TNFAIP2: variants seen among roughly 807,000 people sequenced by gnomAD.
TNFAIP2 encodes TNF alpha induced protein 2.
In TNFAIP2, 47 loss-of-function variants were observed where a neutral mutation model predicts 63.5. The ratio of observed to expected loss-of-function variants is 0.74; its 90% CI spans 0.59 to 0.94. The LOEUF (loss-of-function observed/expected upper bound fraction) is 0.94, where lower values mean the gene tolerates loss of function less well. TNFAIP2 is among the 40% of genes least tolerant of loss of function. The pLI is 0.00. For synonymous variants in TNFAIP2, 405 were observed against 390.2 expected (o/e 1.04, Z -0.45); for missense variants, 787 against 850.2 (o/e 0.93, Z 0.92).
Position 103,131,888 on chromosome 14 carries a change from C to A in TNFAIP2, c.1422+126C>A. ...GGAAGACACGCTCCAGGCCTGTGGA[C>A]GGCACCGTGGGCCAGCTCTGGTGCA... On this transcript the variant is annotated intron_variant, in intron 8 of 11. Transcript: ENST00000560869. The surrounding 1 kb of genome is among the most constrained non-coding windows in gnomAD (Gnocchi z 4.0). 1 of 1,356,346 alleles carries A rather than the reference C, an allele frequency of 7.4e-7. No individual in the cohort carries two copies. The highest frequency in any genetic ancestry group is 9.8e-7 in the Non-Finnish European group (1 of 1,017,886). 84.0% of individuals were successfully genotyped at this position (1,356,346 alleles called of 1,614,324 possible).
At chr14:103,125,605 G>A (rs551800347) in intron 1 of TNFAIP2, among the ~76,000 whole-genome samples, 13 of 152,312 alleles carry the variant, frequency 8.5e-5, no homozygotes, top group Admixed American at 1.3e-4. Context: ...TTCTGGACCC[G>A]AGTTGCTGTG....
At chr14:103,130,855 T>C (rs2087957777) in intron 6 of TNFAIP2, among the ~76,000 whole-genome samples, 197 bp from the exon 7 acceptor site, 1 of 152,222 alleles carries the variant, frequency 6.6e-6, no homozygotes, top group Admixed American at 6.5e-5. Flanking sequence ...AGAGATGGGC[T>C]GGTACCCTCT....
intron 3 of TNFAIP2, among the ~76,000 whole-genome samples, chr14:103,128,276 A>G (rs1221868281): frequency 1.3e-5 from 2 of 152,296 alleles, no homozygotes; most frequent in African/African-American, 4.8e-5. Context: ...GGCTAGGGCC[A>G]CGTGTCTTGT....
At chr14:103,126,254 C>G (rs2087849450) in intron 1 of TNFAIP2, 56 bp from the exon 2 acceptor site, 1 of 530,878 alleles carries the variant, frequency 1.9e-6, no homozygotes, top group Non-Finnish European at 3.4e-6. Flanking sequence ...TGTGTCCAGC[C>G]TGGGAGCCAG....
chr14:103,124,726 G>A (rs1595273509), intron 1 of TNFAIP2, among the ~76,000 whole-genome samples: 1 of 152,244 alleles, frequency 6.6e-6, no homozygotes, highest in Admixed American at 6.5e-5. Flanking sequence ...TTGGGGCACC[G>A]GGTGGGGAGC....
chr14:103,122,192 C>T (rs1006434910), upstream of TNFAIP2, among the ~76,000 whole-genome samples: 1 of 152,214 alleles, frequency 6.6e-6, no homozygotes. Flanking sequence ...TCCGCTCCCC[C>T]ACAGGTTCCC....
In TNFAIP2 at chr14:103,131,861, G is replaced by C. The variant is rs1270462168; in HGVS notation, c.1422+99G>C. On this transcript the variant is annotated intron_variant, in intron 8 of 11. Transcript: ENST00000560869. This position sits in a 1 kb window ranked among gnomAD's most constrained non-coding sequence, Gnocchi z 4.0. ...GGAGGAGTGGCAGAAGCAAAGATGT[G>C]GGGAAGACACGCTCCAGGCCTGTGG... 5 of 1,483,694 alleles carry C rather than the reference G, an allele frequency of 3.4e-6. No homozygotes were observed. In the Admixed American group the frequency reaches 1.0e-4, roughly 30 times the overall value. 91.9% of individuals were successfully genotyped at this position (1,483,694 alleles called of 1,614,324 possible). A position where few individuals can be genotyped will look rare whatever the true frequency, so the allele number is the denominator to read the frequency against.
intron 1 of TNFAIP2, among the ~76,000 whole-genome samples, chr14:103,125,432 C>A (rs193005613): frequency 2.0e-5 from 3 of 152,208 alleles, no homozygotes; most frequent in Non-Finnish European, 2.9e-5. Context: ...GAGTTCCAAG[C>A]CCAAGCTATT....
intron 6 of TNFAIP2, among the ~76,000 whole-genome samples, chr14:103,130,722 C>T (rs551763496): frequency 1.8e-4 from 28 of 152,226 alleles, no homozygotes; most frequent in Non-Finnish European, 2.9e-4. Context: ...TCATACAACA[C>T]TCCTAGTCTC....
rs1471462650 is a variant in TNFAIP2, at chr14:103,136,434, C to T, written c.*1074C>T. 2 of 152,658 alleles carry T rather than the reference C, an allele frequency of 1.3e-5. No individual in the cohort carries two copies. The highest frequency in any genetic ancestry group is 6.5e-5 in the Admixed American group (1 of 15,280). 9.5% of individuals were successfully genotyped at this position (152,658 alleles called of 1,614,324 possible). On this transcript the variant is annotated 3_prime_UTR_variant, in exon 12 of 12. Coordinates refer to ENST00000560869, the MANE Select transcript of TNFAIP2 (RefSeq NM_006291.4). The stretch of plus-strand genomic sequence containing the variant: ...TGACCGTAATTCTTGACTTCAGGCT[C>T]CTCCATCTTCAGAGCCAGCTGTGGG...
chr14:103,129,866 C>T lies in TNFAIP2; in HGVS notation c.975+12C>T, dbSNP rs769858539. Reference sequence around the variant, plus strand: ...TGTCCAGTGAGGCGGTGAGTCTCCACCTGGGCCAGGGAGGGGCAGGGAGGC... The same window carrying T: ...TGTCCAGTGAGGCGGTGAGTCTCCATCTGGGCCAGGGAGGGGCAGGGAGGC... On this transcript the variant is annotated intron_variant, in intron 4 of 11. Transcript: ENST00000560869. The T allele has an allele frequency of 7.4e-6, 12 of 1,612,180 alleles. No individual in the cohort carries two copies. The East Asian group carries it at 1.8e-4, about 24-fold the overall frequency.
At position 103,135,135 on chromosome 14, in the gene TNFAIP2, C is replaced by T; in HGVS notation, c.1824-84C>T. On this transcript the variant is annotated intron_variant, in intron 11 of 11. Transcript: ENST00000560869. The surrounding 1 kb of genome is among the most constrained non-coding windows in gnomAD (Gnocchi z 7.6). ...TGGGCCGGGCGTTGGCTGTCGGGCC[C>T]TGTGGCACTGGCCGGGAGTGCAGGG... 1 of 1,581,700 alleles carries T rather than the reference C, an allele frequency of 6.3e-7. No individual in the cohort carries two copies. Among genetic ancestry groups the T allele is most frequent in the Non-Finnish European group, 8.7e-7 (1 of 1,152,700 alleles).
At position 103,131,492 on chromosome 14, in the gene TNFAIP2, G is replaced by A. The variant is rs1310119037; in HGVS notation, c.1299-147G>A. ...TAGTGGAGGAGTGTCCTGAGGGCAT[G>A]GAGAACATGGATGGGAGGACTTGAT... On this transcript the variant is annotated intron_variant, in intron 7 of 11. Coordinates refer to ENST00000560869, the MANE Select transcript of TNFAIP2 (RefSeq NM_006291.4). The surrounding 1 kb of genome is among the most constrained non-coding windows in gnomAD (Gnocchi z 4.0). 8.5e-7 allele frequency: 1 copy of A among 1,180,770 alleles called. No individual in the cohort carries two copies. Among genetic ancestry groups the A allele is most frequent in the Non-Finnish European group, 1.2e-6 (1 of 864,882 alleles). The allele number at this position is 1,180,770 out of a possible 1,614,324, so 73.1% of individuals were successfully genotyped here.
chr14:103,133,404 A>C lies in TNFAIP2; in HGVS notation c.1588A>C (p.Ile530Leu), dbSNP rs1444801153. 1 of 1,613,908 alleles carries C rather than the reference A, an allele frequency of 6.2e-7. No homozygotes were observed. The highest frequency in any genetic ancestry group is 1.1e-5 in the South Asian group (1 of 91,082). ...GCACCTGCACCTGGTGAAGGAGTAC[A>C]TCATCCAACTCAGCAAGGGGCGCCT... Reference protein sequence around the residue: ...ALHLHLVKEYIIQLSKGRLVL... With the variant: ...ALHLHLVKEYLIQLSKGRLVL... The change falls in exon 10 of 12, where the codon ATC (isoleucine) becomes CTC (leucine). Residue 530 changes from isoleucine to leucine, a missense_variant. Physicochemically the swap from Ile to Leu is conservative, Grantham distance 5 (BLOSUM62 2). Coordinates refer to ENST00000560869, the MANE Select transcript of TNFAIP2 (RefSeq NM_006291.4).
Position 103,131,481 on chromosome 14 carries a change from C to A in TNFAIP2, c.1299-158C>A, listed in dbSNP as rs2087971881. ...ACAAGGGGATGTAGTGGAGGAGTGT[C>A]CTGAGGGCATGGAGAACATGGATGG... On this transcript the variant is annotated intron_variant, in intron 7 of 11. Transcript: ENST00000560869. The surrounding 1 kb of genome is among the most constrained non-coding windows in gnomAD (Gnocchi z 4.0). Among the ~76,000 whole-genome samples, 1 of 152,062 alleles carries A rather than the reference C, an allele frequency of 6.6e-6. No individual in the cohort carries two copies. Among genetic ancestry groups the A allele is most frequent in the Non-Finnish European group, 1.5e-5 (1 of 68,000 alleles).
In TNFAIP2 at chr14:103,135,759, T is replaced by C. The variant is rs1461190314; in HGVS notation, c.*399T>C. The C allele has an allele frequency of 3.9e-6, 5 of 1,282,594 alleles. No homozygotes were observed. The highest frequency in any genetic ancestry group is 5.1e-6 in the Non-Finnish European group (5 of 987,974). The allele number at this position is 1,282,594 out of a possible 1,614,324, so 79.5% of individuals were successfully genotyped here. On this transcript the variant is annotated 3_prime_UTR_variant, in exon 12 of 12. Coordinates refer to ENST00000560869, the MANE Select transcript of TNFAIP2 (RefSeq NM_006291.4). This position sits in a 1 kb window ranked among gnomAD's most constrained non-coding sequence, Gnocchi z 7.6. The stretch of plus-strand genomic sequence containing the variant: ...CTCGTGGGTGGGGCCGAGGGCCCTC[T>C]TCAGCTCTCTGGAGACAGGGGCCGA...
In TNFAIP2 at chr14:103,130,081, T is replaced by C; in HGVS notation, c.1055T>C (p.Leu352Pro). The C allele has an allele frequency of 6.2e-7, 1 of 1,613,392 alleles. No homozygotes were observed. Among genetic ancestry groups the C allele is most frequent in the Non-Finnish European group, 8.5e-7 (1 of 1,179,868 alleles). ...RWAEDVPPQR[L>P]DGHCHSELAI... ...GCTGAGGATGTGCCTCCCCAGAGGC[T>C]GGACGGCCACTGCCACAGCGAGCTG... The change falls in exon 5 of 12, where the codon CTG (leucine) becomes CCG (proline). Residue 352 changes from leucine to proline, a missense_variant. Transcript: ENST00000560869.
intron 8 of TNFAIP2, among the ~76,000 whole-genome samples, chr14:103,132,336 C>T (rs972860351): frequency 4.6e-5 from 7 of 152,164 alleles, no homozygotes; most frequent in African/African-American, 1.2e-4. Context: ...GTTCTCTTCC[C>T]GGTGTCAGGG....
intron 3 of TNFAIP2, among the ~76,000 whole-genome samples, chr14:103,128,637 T>A (rs1005818228): frequency 1.3e-5 from 2 of 151,964 alleles, no homozygotes; most frequent in African/African-American, 4.8e-5. Context: ...CAGTTCGTGT[T>A]GAAGGGTCAG....
Sources: gnomAD v4.1 joint callset for allele counts (sites outside exome capture counted in the v4.1 genomes callset) on GRCh38, gnomAD v4.1.1 for gene constraint, Gnocchi (gnomAD v3.1) non-coding constraint, MANE v1.5 for transcripts, NCBI Gene and HGNC (gene_info 2026-07-23, HGNC 2026-07-21) for gene names.